MARCHF1: variants seen among roughly 807,000 people sequenced by gnomAD.
The protein encoded by MARCHF1 is E3 ubiquitin-protein ligase MARCHF1.
MARCHF1 carries 40 observed loss-of-function variants against 54.2 expected under a neutral mutation model. The observed-to-expected ratio is 0.74, with a 90% CI of 0.57 to 0.96. The LOEUF (loss-of-function observed/expected upper bound fraction) is 0.96. MARCHF1 is among the 40% of genes least tolerant of loss of function. The pLI is 0.00. For missense variants in MARCHF1, 586 were observed against 656.5 expected (o/e 0.89, Z 1.17); for synonymous variants, 236 against 236.3 (o/e 1.00, Z 0.01).
At chr4:163,773,398 C>T (rs1317047398) in intron 4 of MARCHF1, among the ~76,000 whole-genome samples, 8 of 152,116 alleles carry the variant, frequency 5.3e-5, no homozygotes, top group Non-Finnish European at 8.8e-5. Context: ...ATCACATATC[C>T]TTTGAGCTGC....
intron 1 of MARCHF1, among the ~76,000 whole-genome samples, chr4:164,187,407 T>C (rs1193863163): frequency 6.6e-6 from 1 of 152,116 alleles, no homozygotes; most frequent in Non-Finnish European, 1.5e-5. Flanking sequence ...GAAGTCCCCT[T>C]ATAAGTCTGG....
chr4:164,133,133 G>C (rs1483509162), intron 1 of MARCHF1, among the ~76,000 whole-genome samples: 5 of 152,168 alleles, frequency 3.3e-5, no homozygotes, highest in Non-Finnish European at 7.3e-5. Context: ...AGAAAGAACA[G>C]ACAAAATGTG....
intron 4 of MARCHF1, among the ~76,000 whole-genome samples, chr4:163,789,472 C>A (rs980883890): frequency 3.3e-5 from 5 of 151,824 alleles, no homozygotes; most frequent in African/African-American, 1.2e-4. Context: ...TATGTAACAA[C>A]CTGCACTTGC....
At chr4:164,347,834 T>C (rs1049733465) in intron 1 of MARCHF1, among the ~76,000 whole-genome samples, 2 of 152,154 alleles carry the variant, frequency 1.3e-5, no homozygotes, top group Admixed American at 6.5e-5. Context: ...ATGAAAAATA[T>C]CTATTTTAGA....
intron 8 of MARCHF1, among the ~76,000 whole-genome samples, chr4:163,575,958 C>A (rs138010907): frequency 3.3e-5 from 5 of 151,676 alleles, no homozygotes; most frequent in Non-Finnish European, 7.4e-5. Flanking sequence ...TAGTTAGTGG[C>A]CTATTGACCT....
chr4:164,241,356 T>C (rs1732741764), intron 1 of MARCHF1, among the ~76,000 whole-genome samples: 1 of 152,188 alleles, frequency 6.6e-6, no homozygotes, highest in African/African-American at 2.4e-5. Flanking sequence ...AGCTCTTTCT[T>C]TGCTGCAACA....
chr4:163,581,045 A>G (rs919157751), intron 8 of MARCHF1, among the ~76,000 whole-genome samples: 1 of 138,574 alleles, frequency 7.2e-6, no homozygotes, highest in Non-Finnish European at 1.6e-5. Context: ...CTCATGATCC[A>G]CCCGCCTCGG....
At chr4:163,800,903 GAATA>G (rs1215931566) in intron 4 of MARCHF1, among the ~76,000 whole-genome samples, 4 of 151,998 alleles carry the variant, frequency 2.6e-5, no homozygotes, top group Non-Finnish European at 5.9e-5. Flanking sequence ...TTACATCAGC[GAATA>G]AATAGATAAT....
intron 3 of MARCHF1, among the ~76,000 whole-genome samples, chr4:163,919,743 A>G (rs1199944828): frequency 1.3e-5 from 2 of 152,130 alleles, no homozygotes; most frequent in Non-Finnish European, 2.9e-5. Context: ...TGTTTTAATA[A>G]TTCAAAATAT....
intron 3 of MARCHF1, among the ~76,000 whole-genome samples, chr4:163,937,430 C>A (rs576788547): frequency 6.3e-4 from 95 of 151,910 alleles, no homozygotes; most frequent in African/African-American, 2.2e-3. Flanking sequence ...GGAATGAACT[C>A]AAATCTTTAC....
chr4:163,997,925 T>TAC (rs5863648), intron 2 of MARCHF1, among the ~76,000 whole-genome samples: 3,023 of 148,272 alleles, frequency 0.02, 95 homozygotes, highest in African/African-American at 0.068. Flanking sequence ...TTGCCTTAAA[T>TAC]ACACACACAC....
intron 1 of MARCHF1, among the ~76,000 whole-genome samples, chr4:164,323,597 CAAAAAAAAAA>C (rs70952622): frequency 9.7e-5 from 3 of 30,928 alleles, no homozygotes; most frequent in African/African-American, 4.7e-4. Flanking sequence ...GGATGAGTAG[CAAAAAAAAAA>C]AAAAAAAAAA....
chr4:163,914,862 G>A (rs1264240682), intron 3 of MARCHF1, among the ~76,000 whole-genome samples: 3 of 152,088 alleles, frequency 2.0e-5, no homozygotes, highest in African/African-American at 7.2e-5. Context: ...GGTATTATTA[G>A]AGTACATACC....
At chr4:164,360,593 G>A (rs778590662) in intron 1 of MARCHF1, among the ~76,000 whole-genome samples, 1 of 152,000 alleles carries the variant, frequency 6.6e-6, no homozygotes, top group South Asian at 2.1e-4. Context: ...TTTAAGTGTC[G>A]ATTTTTCAGC....
intron 8 of MARCHF1, among the ~76,000 whole-genome samples, chr4:163,573,880 A>G (rs1315010244): frequency 6.6e-6 from 1 of 151,114 alleles, no homozygotes; most frequent in Admixed American, 6.6e-5. Context: ...TCCCTGAGGA[A>G]TCGCCACACT....
At chr4:163,911,815 C>T (rs1260585285) in intron 3 of MARCHF1, among the ~76,000 whole-genome samples, 4 of 152,124 alleles carry the variant, frequency 2.6e-5, no homozygotes, top group African/African-American at 7.2e-5. Context: ...GTCATCTATC[C>T]TACTATGCAA....
intron 2 of MARCHF1, among the ~76,000 whole-genome samples, chr4:164,074,363 G>A (rs1347072297): frequency 6.6e-6 from 1 of 152,090 alleles, no homozygotes; most frequent in East Asian, 1.9e-4. Flanking sequence ...TCAAGTGGTT[G>A]GTTGTCCATT....
intron 1 of MARCHF1, among the ~76,000 whole-genome samples, chr4:164,366,256 A>AATAGAC (rs1420428203): frequency 6.6e-6 from 1 of 152,068 alleles, no homozygotes; most frequent in Non-Finnish European, 1.5e-5. Flanking sequence ...TAAACAGTCC[A>AATAGAC]ATAGACATAT....
chr4:164,200,972 A>G (rs888570274), intron 1 of MARCHF1, among the ~76,000 whole-genome samples: 1 of 152,192 alleles, frequency 6.6e-6, no homozygotes, highest in African/African-American at 2.4e-5. Flanking sequence ...ACTAACAGAA[A>G]GAAAGCCAGA....
Sources: allele counts gnomAD v4.1 joint callset (sites outside exome capture counted in the v4.1 genomes callset), GRCh38; gene constraint gnomAD v4.1.1; transcripts MANE v1.5; gene names NCBI Gene and HGNC (gene_info 2026-07-23, HGNC 2026-07-21).